Variants in AP3B1 observed in about 807,000 individuals in gnomAD.
The protein encoded by AP3B1 is adaptor related protein complex 3 subunit beta 1, also known as AP-3 complex subunit beta-1.
A neutral mutation model predicts 132.5 loss-of-function variants in AP3B1; 61 were observed. The ratio of observed to expected loss-of-function variants is 0.46; its 90% confidence interval spans 0.37 to 0.57. The LOEUF is 0.57. AP3B1 is among the 20% of genes least tolerant of loss of function. AP3B1 has a pLI of 0.00. For synonymous variants in AP3B1, 388 were observed against 438.3 expected (o/e 0.89, Z 1.43); for missense variants, 1,120 against 1,289.4 (o/e 0.87, Z 2.01).
chr5:78,253,833 G>A (rs1005455718), intron 2 of AP3B1, among the ~76,000 whole-genome samples: 1 of 151,788 alleles, frequency 6.6e-6, no homozygotes, highest in African/African-American at 2.4e-5. Flanking sequence ...CGGGCATGGT[G>A]GTGGGCACCT....
chr5:78,069,670 T>C (rs966400593), intron 22 of AP3B1, among the ~76,000 whole-genome samples: 1 of 152,196 alleles, frequency 6.6e-6, no homozygotes, highest in African/African-American at 2.4e-5. Context: ...AAAATGGCCA[T>C]ACTGCCTAAA....
intron 23 of AP3B1, 114 bp from the exon 24 acceptor site, chr5:78,034,559 G>C (rs754186688): frequency 2.2e-5 from 17 of 788,996 alleles, no homozygotes; most frequent in Non-Finnish European, 3.7e-5. Flanking sequence ...GAAATGTAAT[G>C]ATGGCTTAAA....
intron 2 of AP3B1, among the ~76,000 whole-genome samples, chr5:78,255,862 G>A (rs1388598541): frequency 6.6e-6 from 1 of 151,966 alleles, no homozygotes; most frequent in Non-Finnish European, 1.5e-5. Context: ...AGTCTTAAAA[G>A]CGTTCAAAAA....
intron 14 of AP3B1, among the ~76,000 whole-genome samples, chr5:78,149,510 T>C (rs1406541850): frequency 1.3e-5 from 2 of 152,164 alleles, no homozygotes; most frequent in African/African-American, 4.8e-5. Context: ...CTTACAAAAT[T>C]AAAACCTTAC....
At chr5:78,190,446 G>T (rs891258930) in intron 7 of AP3B1, among the ~76,000 whole-genome samples, 1 of 152,160 alleles carries the variant, frequency 6.6e-6, no homozygotes, top group Non-Finnish European at 1.5e-5. Flanking sequence ...TTTCTTGGAG[G>T]ACAAGAATGA....
chr5:78,127,920 T>C, intron 17 of AP3B1, 110 bp downstream of exon 17: 1 of 1,280,650 alleles, frequency 7.8e-7, no homozygotes, highest in Non-Finnish European at 1.1e-6. Context: ...TTAGAAATAC[T>C]AGAACAATTT....
intron 2 of AP3B1, among the ~76,000 whole-genome samples, chr5:78,255,853 G>GTCTTAAAA (rs1187983515): frequency 6.6e-6 from 1 of 152,040 alleles, no homozygotes; most frequent in Non-Finnish European, 1.5e-5. Context: ...CACAAAACAA[G>GTCTTAAAA]TCTTAAAAGC....
rs188224684 is a variant in AP3B1 at position 78,083,589 on chromosome 5, C to T, written c.2577+5804G>A. 7.9e-3 allele frequency among the ~76,000 whole-genome samples: 1,201 copies of T among 152,174 alleles called. 18 individuals are homozygous for T. The highest frequency in any genetic ancestry group is 0.044 in the Admixed American group (668 of 15,264). ...ATTAAAAAAAATTTACTAAGTTAAC[C>T]GGTTTGTTCACTCAGATACTACAGC... On this transcript the variant is annotated intron_variant, in intron 22 of 26. Coordinates refer to ENST00000255194, the MANE Select transcript of AP3B1 (RefSeq NM_003664.5).
intron 2 of AP3B1, among the ~76,000 whole-genome samples, chr5:78,261,131 G>A (rs1748072349): frequency 6.6e-6 from 1 of 152,168 alleles, no homozygotes; most frequent in Non-Finnish European, 1.5e-5. Flanking sequence ...ATACCCAAAA[G>A]GAGAATGGTG....
intron 7 of AP3B1, among the ~76,000 whole-genome samples, chr5:78,188,619 A>G (rs2112428171): frequency 6.6e-6 from 1 of 152,322 alleles, no homozygotes; most frequent in African/African-American, 2.4e-5. Flanking sequence ...ATGCTTTTAC[A>G]CTGTTGGTGG....
intron 26 of AP3B1, among the ~76,000 whole-genome samples, chr5:78,006,899 C>A (rs1406354320): frequency 6.6e-6 from 1 of 152,060 alleles, no homozygotes; most frequent in African/African-American, 2.4e-5. Flanking sequence ...TATAGGAATT[C>A]TTAAGATTTA....
chr5:78,090,452 T>C (rs1389584267), intron 21 of AP3B1, among the ~76,000 whole-genome samples: 1 of 152,212 alleles, frequency 6.6e-6, no homozygotes, highest in Non-Finnish European at 1.5e-5. Flanking sequence ...GCCTTTTATA[T>C]TCTACTCTGT....
chr5:78,259,863 A>G (rs1178842528), intron 2 of AP3B1, among the ~76,000 whole-genome samples: 1 of 151,938 alleles, frequency 6.6e-6, no homozygotes, highest in Admixed American at 6.6e-5. Context: ...CCAGCTATTC[A>G]GGAGGCTGAG....
intron 15 of AP3B1, among the ~76,000 whole-genome samples, chr5:78,130,819 A>T (rs1752655825): frequency 6.6e-6 from 1 of 152,028 alleles, no homozygotes; most frequent in South Asian, 2.1e-4. Context: ...GAGTGCTGAG[A>T]TTTTAAATCT....
In AP3B1 at chr5:78,278,622, AAAAGG is replaced by A. The variant is rs1281390994; in HGVS notation, c.129-11032_129-11028del. Among the ~76,000 whole-genome samples the A allele has an allele frequency of 7.9e-5, 6 of 75,566 alleles. 3 individuals are homozygous for A. The highest frequency in any genetic ancestry group is 2.0e-4 in the Non-Finnish European group (6 of 30,338). The allele number at this position is 75,566 out of a possible 152,430, so 49.6% of individuals were successfully genotyped here. Reference sequence around the variant, plus strand: ...TCAAAAAAAAAAAAAAAAAAAAAAAAAAAGGGGGGGGGGGACTAATTAATTATGAG... The same window carrying A: ...TCAAAAAAAAAAAAAAAAAAAAAAAAGGGGGGGGGACTAATTAATTATGAG... On this transcript the variant is annotated intron_variant, in intron 1 of 26. Coordinates refer to ENST00000255194, the MANE Select transcript of AP3B1 (RefSeq NM_003664.5).
intron 7 of AP3B1, among the ~76,000 whole-genome samples, chr5:78,206,675 T>C (rs111273126): frequency 1.3e-4 from 20 of 152,120 alleles, no homozygotes; most frequent in African/African-American, 4.6e-4. Flanking sequence ...AAAGGAAATA[T>C]GAAATTCAAA....
chr5:78,285,099 A>G (rs530923435), intron 1 of AP3B1, among the ~76,000 whole-genome samples: 94 of 152,006 alleles, frequency 6.2e-4, no homozygotes, highest in Admixed American at 3.7e-3. Flanking sequence ...TACAAAAAAA[A>G]TTAGCTGGGC....
At position 78,119,708 on chromosome 5, in the gene AP3B1, G is replaced by A. The variant is rs138433639; in HGVS notation, c.1969-3474C>T. ...GACTATGTGAAAAGACCAAATCTAC[G>A]TCTCATTGGTGTACCTGAAAGTGAC... is the stretch of plus-strand genomic sequence containing the variant. On this transcript the variant is annotated intron_variant, in intron 17 of 26. Coordinates refer to ENST00000255194, the MANE Select transcript of AP3B1 (RefSeq NM_003664.5). 3.4e-3 allele frequency among the ~76,000 whole-genome samples: 520 copies of A among 152,276 alleles called. 4 individuals are homozygous for A. The highest frequency in any genetic ancestry group is 0.012 in the African/African-American group (494 of 41,554).
At chr5:78,074,035 G>A (rs1313951891) in intron 22 of AP3B1, among the ~76,000 whole-genome samples, 2 of 152,058 alleles carry the variant, frequency 1.3e-5, no homozygotes, top group Non-Finnish European at 2.9e-5. Flanking sequence ...TCACTGTGGG[G>A]AATTTTACTA....
Sources: allele counts gnomAD v4.1 joint callset (sites outside exome capture counted in the v4.1 genomes callset), GRCh38; gene constraint gnomAD v4.1.1; transcripts MANE v1.5; gene names NCBI Gene and HGNC (gene_info 2026-07-23, HGNC 2026-07-21).